Variants in CACNA1D observed in about 807,000 individuals in gnomAD.
CACNA1D encodes voltage-dependent L-type calcium channel subunit alpha-1D.
Under a neutral mutation model 257.1 loss-of-function variants are expected in CACNA1D, and 55 were observed. The observed-to-expected ratio is 0.21, with a 90% CI of 0.17 to 0.27. The LOEUF (loss-of-function observed/expected upper bound fraction) is 0.27, where lower values mean the gene tolerates loss of function less well. Among genes scored for constraint, CACNA1D ranks in the 10% least tolerant of loss-of-function variants. CACNA1D has a pLI of 1.00. For missense variants in CACNA1D, 1,876 were observed against 2,784.0 expected (o/e 0.67, Z 7.34); for synonymous variants, 980 against 1,014.9 (o/e 0.97, Z 0.65).
intron 14 of CACNA1D, among the ~76,000 whole-genome samples, chr3:53,726,482 T>C (rs1317546685): frequency 6.6e-6 from 1 of 151,902 alleles, no homozygotes; most frequent in Non-Finnish European, 1.5e-5. Context: ...ACTAAAAATA[T>C]AAAAATTAGC....
intron 3 of CACNA1D, among the ~76,000 whole-genome samples, chr3:53,598,025 T>A (rs953299578): frequency 6.6e-6 from 1 of 152,196 alleles, no homozygotes; most frequent in African/African-American, 2.4e-5. Context: ...CATTGAGGAA[T>A]GTGTTTTTCT....
At chr3:53,606,157 A>G (rs1347247133) in intron 3 of CACNA1D, among the ~76,000 whole-genome samples, 1 of 152,254 alleles carries the variant, frequency 6.6e-6, no homozygotes, top group Non-Finnish European at 1.5e-5. Context: ...AGTCACATTT[A>G]GTTGGCTGAC....
Position 53,651,097 on chromosome 3 carries a change from C to T in CACNA1D, c.623+179C>T, listed in dbSNP as rs1405691928. On this transcript the variant is annotated intron_variant, in intron 4 of 47. Coordinates refer to ENST00000350061, the MANE Select transcript of CACNA1D (RefSeq NM_001128840.3). ...GGTGATGCTGCTGTCAGTCTCTGGG[C>T]AGATACTAGTTTGAAATTCTCTCGT... 1.8e-5 allele frequency: 11 copies of T among 609,772 alleles called. No individual in the cohort carries two copies. In the Admixed American group the frequency reaches 3.1e-4, roughly 17 times the overall value. 37.8% of individuals were successfully genotyped at this position (609,772 alleles called of 1,614,324 possible).
In CACNA1D at chr3:53,650,932, A is replaced by G; in HGVS notation, c.623+14A>G. ...AGTAATAGTAGGGTAAGTCTCTTTTACTTTGGGGAAATGTTGATTTGGAAA... is the reference window on the plus strand; with the variant it reads ...AGTAATAGTAGGGTAAGTCTCTTTTGCTTTGGGGAAATGTTGATTTGGAAA... On this transcript the variant is annotated intron_variant, in intron 4 of 47. Coordinates refer to ENST00000350061, the MANE Select transcript of CACNA1D (RefSeq NM_001128840.3). 1.2e-6 allele frequency: 2 copies of G among 1,606,158 alleles called. No individual in the cohort carries two copies. Among genetic ancestry groups the G allele is most frequent in the South Asian group, 1.1e-5 (1 of 90,838 alleles).
intron 8 of CACNA1D, among the ~76,000 whole-genome samples, chr3:53,691,737 T>C (rs1576364933): frequency 9.0e-6 from 1 of 111,120 alleles, no homozygotes; most frequent in East Asian, 2.3e-4. Context: ...ATAATATATA[T>C]ATTACATATA....
intron 3 of CACNA1D, among the ~76,000 whole-genome samples, chr3:53,594,188 C>T (rs1016385530): frequency 3.3e-5 from 5 of 152,098 alleles, no homozygotes; most frequent in Admixed American, 6.5e-5. Flanking sequence ...TTCGTCTTAG[C>T]GACAAAAGTT....
chr3:53,697,827 A>G (rs1253278244), intron 8 of CACNA1D, among the ~76,000 whole-genome samples: 1 of 152,168 alleles, frequency 6.6e-6, no homozygotes, highest in Non-Finnish European at 1.5e-5. Flanking sequence ...TCCTTATGAC[A>G]TATCTCCATA....
intron 20 of CACNA1D, 69 bp downstream of exon 20, chr3:53,735,572 A>G (rs2095049642): frequency 2.5e-6 from 4 of 1,575,742 alleles, no homozygotes; most frequent in Non-Finnish European, 3.5e-6. Flanking sequence ...CACTGTAGAG[A>G]TGGGAGCTGT....
chr3:53,636,797 C>T (rs996679531), intron 3 of CACNA1D, among the ~76,000 whole-genome samples: 1 of 152,210 alleles, frequency 6.6e-6, no homozygotes, highest in Non-Finnish European at 1.5e-5. Flanking sequence ...TGTTATTCTA[C>T]TTCCTATAAT....
chr3:53,537,654 C>G (rs994617599), intron 3 of CACNA1D, among the ~76,000 whole-genome samples: 2 of 152,184 alleles, frequency 1.3e-5, no homozygotes, highest in African/African-American at 4.8e-5. Flanking sequence ...TTATTTTACT[C>G]TCTTTGAATT....
At chr3:53,504,383 G>A (rs191018458) in intron 3 of CACNA1D, among the ~76,000 whole-genome samples, 2 of 152,304 alleles carry the variant, frequency 1.3e-5, no homozygotes, top group African/African-American at 2.4e-5. Flanking sequence ...GGGAAGAAAC[G>A]TGGCCATCCC....
At chr3:53,726,535 G>A (rs985718514) in intron 14 of CACNA1D, among the ~76,000 whole-genome samples, 8 of 152,178 alleles carry the variant, frequency 5.3e-5, no homozygotes. Flanking sequence ...TACTTGAAAG[G>A]CTGAGGCAGG....
chr3:53,749,624 A>G (rs1288178402), intron 27 of CACNA1D, among the ~76,000 whole-genome samples, 155 bp downstream of exon 27: 1 of 152,192 alleles, frequency 6.6e-6, no homozygotes, highest in East Asian at 1.9e-4. Context: ...AGCCCATTTG[A>G]GTCATCACTG....
intron 24 of CACNA1D, 45 bp from the exon 25 acceptor site, chr3:53,745,778 G>A (rs765695421): frequency 8.7e-6 from 14 of 1,605,376 alleles, no homozygotes; most frequent in Non-Finnish European, 3.4e-6. Context: ...ATTTCTTTAA[G>A]GAGAAGCCTG....
intron 3 of CACNA1D, among the ~76,000 whole-genome samples, chr3:53,592,721 T>A (rs1049987438): frequency 4.6e-5 from 7 of 151,890 alleles, no homozygotes; most frequent in African/African-American, 1.5e-4. Context: ...TTTTTTTTTT[T>A]AGATGGAGTT....
intron 8 of CACNA1D, among the ~76,000 whole-genome samples, chr3:53,684,170 A>G (rs979823288): frequency 6.6e-6 from 1 of 152,248 alleles, no homozygotes; most frequent in African/African-American, 2.4e-5. Flanking sequence ...GTATGAAGCA[A>G]GAATACCCTT....
Position 53,781,628 on chromosome 3 carries a change from A to C in CACNA1D, c.4753A>C (p.Ser1585Arg). The C allele has an allele frequency of 6.2e-7, 1 of 1,614,090 alleles. No homozygotes were observed. The highest frequency in any genetic ancestry group is 8.5e-7 in the Non-Finnish European group (1 of 1,179,884). ...AVIKKIWKKTSMKLLDQVVPP... is the reference protein window; with the variant it reads ...AVIKKIWKKTRMKLLDQVVPP... The stretch of plus-strand genomic sequence containing the variant: ...GATAAAGAAAATTTGGAAGAAAACC[A>C]GCATGAAATTACTTGACCAAGTTGT... Residue 1585 changes from serine to arginine, a missense_variant, in exon 39 of 48, where the codon AGC becomes CGC. Physicochemically the swap from Ser to Arg is moderately radical, Grantham distance 110. Transcript: ENST00000350061.
intron 2 of CACNA1D, among the ~76,000 whole-genome samples, chr3:53,498,238 A>C (rs1342800550): frequency 1.3e-5 from 2 of 152,180 alleles, no homozygotes; most frequent in Admixed American, 1.3e-4. Flanking sequence ...CCTTTATAAA[A>C]AATTCTGTCT....
intron 2 of CACNA1D, among the ~76,000 whole-genome samples, chr3:53,500,515 G>A (rs1209758321): frequency 6.6e-6 from 1 of 151,962 alleles, no homozygotes; most frequent in Non-Finnish European, 1.5e-5. Context: ...CCAGAAGTAT[G>A]TCAGGATGAA....
Sources: gnomAD v4.1 joint callset for allele counts (sites outside exome capture counted in the v4.1 genomes callset) on GRCh38, gnomAD v4.1.1 for gene constraint, MANE v1.5 for transcripts, NCBI Gene and HGNC (gene_info 2026-07-23, HGNC 2026-07-21) for gene names.